IMMP2L: variants seen among roughly 807,000 people sequenced by gnomAD.
IMMP2L encodes the protein mitochondrial inner membrane protease subunit 2.
A neutral mutation model predicts 19.3 loss-of-function variants in IMMP2L; 18 were observed. The ratio of observed to expected loss-of-function variants is 0.93; its 90% confidence interval spans 0.64 to 1.38. IMMP2L has a LOEUF of 1.38. IMMP2L is among the 40% of genes most tolerant of loss of function. IMMP2L has a pLI of 0.00. For missense variants in IMMP2L, 233 were observed against 218.2 expected (o/e 1.07, Z -0.43); for synonymous variants, 76 against 73.0 (o/e 1.04, Z -0.21).
At chr7:111,403,868 A>G (rs1833683888) in intron 3 of IMMP2L, among the ~76,000 whole-genome samples, 1 of 152,172 alleles carries the variant, frequency 6.6e-6, no homozygotes, top group South Asian at 2.1e-4. Context: ...GTTAAATATA[A>G]AATAATATTG....
At chr7:110,830,067 C>T (rs1046918824) in intron 5 of IMMP2L, among the ~76,000 whole-genome samples, 1 of 152,080 alleles carries the variant, frequency 6.6e-6, no homozygotes, top group African/African-American at 2.4e-5. Context: ...CATTCCCTTC[C>T]CCAACTCTCC....
At chr7:111,475,136 C>T (rs1841608097) in intron 3 of IMMP2L, among the ~76,000 whole-genome samples, 1 of 152,062 alleles carries the variant, frequency 6.6e-6, no homozygotes, top group Admixed American at 6.6e-5. Context: ...TATACTTGTG[C>T]CATCAGTAAG....
chr7:111,146,762 GA>G (rs1456119639), intron 3 of IMMP2L, among the ~76,000 whole-genome samples: 1 of 151,962 alleles, frequency 6.6e-6, no homozygotes, highest in Non-Finnish European at 1.5e-5. Flanking sequence ...GAAACGTTTT[GA>G]AAAAAACAAA....
chr7:111,256,406 CTG>C (rs987785520), intron 3 of IMMP2L, among the ~76,000 whole-genome samples: 7 of 151,950 alleles, frequency 4.6e-5, no homozygotes. Flanking sequence ...ACACTGATAA[CTG>C]TGGTTCACTG....
chr7:111,088,572 G>A (rs921921925), intron 3 of IMMP2L, among the ~76,000 whole-genome samples: 2 of 152,078 alleles, frequency 1.3e-5, no homozygotes, highest in African/African-American at 4.8e-5. Context: ...GTAATATGGT[G>A]GAAAAAACCT....
chr7:111,215,278 C>A (rs1811813399), intron 3 of IMMP2L, among the ~76,000 whole-genome samples: 1 of 152,200 alleles, frequency 6.6e-6, no homozygotes, highest in African/African-American at 2.4e-5. Flanking sequence ...TACTTATGAT[C>A]ATACCCTTCT....
At position 111,502,826 on chromosome 7, in the gene IMMP2L, C is replaced by T. The variant is rs867868134; in HGVS notation, c.136-15485G>A. Among the ~76,000 whole-genome samples the T allele has an allele frequency of 5.2e-3, 785 of 150,410 alleles. 2 individuals carry two copies. The highest frequency in any genetic ancestry group is 8.1e-3 in the Non-Finnish European group (545 of 67,472). On this transcript the variant is annotated intron_variant, in intron 2 of 5. Coordinates refer to ENST00000405709, the MANE Select transcript of IMMP2L (RefSeq NM_032549.4). Reference sequence around the variant, plus strand: ...TCTGGGACACATTCAAAGCAGTGTGCAGAGGGAAATTTATAGCACTAAATG... The same window carrying T: ...TCTGGGACACATTCAAAGCAGTGTGTAGAGGGAAATTTATAGCACTAAATG...
intron 2 of IMMP2L, among the ~76,000 whole-genome samples, chr7:111,490,653 G>C (rs1843017716): frequency 6.6e-6 from 1 of 151,832 alleles, no homozygotes; most frequent in African/African-American, 2.4e-5. Context: ...CTCCAACTTA[G>C]AAATGATTCC....
At chr7:111,121,891 T>C (rs911404283) in intron 3 of IMMP2L, among the ~76,000 whole-genome samples, 3 of 152,132 alleles carry the variant, frequency 2.0e-5, no homozygotes, top group Non-Finnish European at 2.9e-5. Context: ...TGGAATACTA[T>C]GCAGCCATAA....
chr7:110,952,966 G>C (rs774969403), intron 4 of IMMP2L, among the ~76,000 whole-genome samples: 1 of 151,898 alleles, frequency 6.6e-6, no homozygotes, highest in Non-Finnish European at 1.5e-5. Context: ...GTATGCTACT[G>C]CTAGTACGAT....
intron 3 of IMMP2L, among the ~76,000 whole-genome samples, chr7:111,425,712 A>C (rs752312653): frequency 6.6e-6 from 1 of 151,152 alleles, no homozygotes; most frequent in African/African-American, 2.4e-5. Context: ...AAATCCTTTT[A>C]ATTTTCAAAT....
intron 3 of IMMP2L, among the ~76,000 whole-genome samples, chr7:111,445,422 A>G (rs1017268116): frequency 1.3e-5 from 2 of 151,698 alleles, no homozygotes; most frequent in Non-Finnish European, 2.9e-5. Context: ...ACATACATAC[A>G]TACATACATA....
chr7:111,431,125 C>G (rs1413916098), intron 3 of IMMP2L, among the ~76,000 whole-genome samples: 1 of 151,814 alleles, frequency 6.6e-6, no homozygotes, highest in Non-Finnish European at 1.5e-5. Context: ...GTTAAATACA[C>G]TGTGCCCTTT....
At chr7:110,937,657 A>G (rs1396744817) in intron 4 of IMMP2L, among the ~76,000 whole-genome samples, 1 of 152,190 alleles carries the variant, frequency 6.6e-6, no homozygotes, top group Non-Finnish European at 1.5e-5. Flanking sequence ...AGTAGGAGAA[A>G]GGTCACTTTT....
intron 5 of IMMP2L, among the ~76,000 whole-genome samples, chr7:110,811,627 G>C (rs1802044003): frequency 6.6e-6 from 1 of 151,918 alleles, no homozygotes; most frequent in Non-Finnish European, 1.5e-5. Flanking sequence ...TGTATTTTTT[G>C]TTTAATTTTT....
rs1400964905 is a variant in IMMP2L, at chr7:111,418,546, A to T, written c.239+68692T>A. 1.3e-5 allele frequency among the ~76,000 whole-genome samples: 2 copies of T among 151,842 alleles called. 1 individual carries two copies. Among genetic ancestry groups the T allele is most frequent in the African/African-American group, 4.9e-5 (2 of 41,174 alleles). On this transcript the variant is annotated intron_variant, in intron 3 of 5. Coordinates refer to ENST00000405709, the MANE Select transcript of IMMP2L (RefSeq NM_032549.4). ...TACAAAAAGCTCACACCTCACTAGCACTAATACAAATGTCATTCCTAGTAA... is the reference window on the plus strand; with the variant it reads ...TACAAAAAGCTCACACCTCACTAGCTCTAATACAAATGTCATTCCTAGTAA...
chr7:111,326,916 G>T (rs80197868), intron 3 of IMMP2L, among the ~76,000 whole-genome samples: 1 of 151,842 alleles, frequency 6.6e-6, no homozygotes, highest in Admixed American at 6.6e-5. Flanking sequence ...GTATTCCCAT[G>T]TTCACTGCAG....
In IMMP2L at chr7:111,477,919, A is replaced by T. The variant is rs937118617; in HGVS notation, c.239+9319T>A. Among the ~76,000 whole-genome samples, 5 of 152,052 alleles carry T rather than the reference A, an allele frequency of 3.3e-5. No homozygotes were observed. In the South Asian group the frequency reaches 8.3e-4, roughly 25 times the overall value. ...GCCTCAAAAAAAAAAATAGACTTTT[A>T]TCTTCTTTGGTTTTCAGTGGTTTGA... On this transcript the variant is annotated intron_variant, in intron 3 of 5. Transcript: ENST00000405709.
chr7:111,030,842 ATG>A (rs1222381040), intron 3 of IMMP2L, among the ~76,000 whole-genome samples: 1 of 147,392 alleles, frequency 6.8e-6, no homozygotes, highest in Non-Finnish European at 1.5e-5. Flanking sequence ...GTATATATGT[ATG>A]TGTGTATATA....
Sources: allele counts gnomAD v4.1 joint callset (sites outside exome capture counted in the v4.1 genomes callset), GRCh38; gene constraint gnomAD v4.1.1; transcripts MANE v1.5; gene names NCBI Gene and HGNC (gene_info 2026-07-23, HGNC 2026-07-21).